Variants in COMMD1 observed in about 807,000 individuals in gnomAD.
The protein encoded by COMMD1 is copper metabolism domain containing 1.
In COMMD1, 10 loss-of-function variants were observed where a neutral mutation model predicts 17.2. The observed-to-expected ratio is 0.58, with a 90% CI of 0.36 to 0.99. The LOEUF (loss-of-function observed/expected upper bound fraction) is 0.99, where lower values mean the gene tolerates loss of function less well. Ranked by LOEUF, COMMD1 falls within the 50% of genes least tolerant of loss-of-function variation. The probability of loss-of-function intolerance (pLI) is 0.01; values close to 1 mark genes in which losing one functional copy is unlikely to be tolerated. For missense variants in COMMD1, 270 were observed against 231.8 expected, an observed-to-expected ratio of 1.17 and a Z score of -1.07; for synonymous variants, 97 against 91.6, an observed-to-expected ratio of 1.06 and a Z score of -0.34.
rs567865493 is a variant in COMMD1, at chr2:62,017,634, C to T, written c.462+16652C>T. Reference sequence around the variant, plus strand: ...GCAGTGAGCTGTGATCATGCCACTGCACTCCAGCCTGGGTGACAAGAGTGA... The same window carrying T: ...GCAGTGAGCTGTGATCATGCCACTGTACTCCAGCCTGGGTGACAAGAGTGA... On this transcript the variant is annotated intron_variant, in intron 2 of 2. Coordinates refer to ENST00000311832, the MANE Select transcript of COMMD1 (RefSeq NM_152516.4). 1.3e-4 allele frequency among the ~76,000 whole-genome samples: 19 copies of T among 151,714 alleles called. 1 individual carries two copies. The South Asian group carries it at 2.3e-3, about 18-fold the overall frequency.
intron 2 of COMMD1, among the ~76,000 whole-genome samples, chr2:62,114,907 G>A (rs1476107684): frequency 2.6e-5 from 4 of 152,230 alleles, no homozygotes; most frequent in Non-Finnish European, 5.9e-5. Context: ...TCCTTGGTCA[G>A]ACTAGATTGC....
chr2:62,059,660 T>G (rs1670803467), intron 2 of COMMD1, among the ~76,000 whole-genome samples: 1 of 152,176 alleles, frequency 6.6e-6, no homozygotes, highest in African/African-American at 2.4e-5. Flanking sequence ...CTTGAACTCC[T>G]GGGCTCAAGA....
At chr2:62,079,502 A>T (rs1274496588) in intron 2 of COMMD1, among the ~76,000 whole-genome samples, 2 of 152,218 alleles carry the variant, frequency 1.3e-5, no homozygotes, top group Admixed American at 1.3e-4. Flanking sequence ...CACCGGAAAC[A>T]TCTAGAGGCT....
chr2:61,955,639 T>TTG (rs1208039831), intron 1 of COMMD1, among the ~76,000 whole-genome samples: 1 of 152,052 alleles, frequency 6.6e-6, no homozygotes, highest in East Asian at 1.9e-4. Context: ...CATTTTGAGT[T>TTG]TGTGTGTGTG....
At chr2:62,006,016 T>C (rs1669102218) in intron 2 of COMMD1, among the ~76,000 whole-genome samples, 2 of 151,770 alleles carry the variant, frequency 1.3e-5, no homozygotes, top group Admixed American at 1.3e-4. Flanking sequence ...TATGCAGCCA[T>C]AAAAAATGAT....
intron 2 of COMMD1, among the ~76,000 whole-genome samples, chr2:62,124,533 A>AGGC (rs1672839692): frequency 6.6e-6 from 1 of 151,742 alleles, no homozygotes. Context: ...TATTTTAAAA[A>AGGC]TGCCTTTTGT....
At chr2:61,961,651 T>C (rs1671346802) in intron 1 of COMMD1, among the ~76,000 whole-genome samples, 1 of 152,228 alleles carries the variant, frequency 6.6e-6, no homozygotes, top group Admixed American at 6.5e-5. Context: ...TATTTTTCCC[T>C]CTTCTAATTT....
intron 2 of COMMD1, among the ~76,000 whole-genome samples, chr2:62,087,577 C>G (rs1252782059): frequency 6.6e-6 from 1 of 152,162 alleles, no homozygotes; most frequent in Non-Finnish European, 1.5e-5. Context: ...GAAACCCCGT[C>G]TCTACTAAAA....
At chr2:61,937,733 A>G (rs1056937557) in intron 1 of COMMD1, among the ~76,000 whole-genome samples, 5 of 152,240 alleles carry the variant, frequency 3.3e-5, no homozygotes, top group African/African-American at 9.6e-5. Context: ...ACTTATGGCA[A>G]TTAGCTATAC....
chr2:62,104,694 C>A (rs576658451), intron 2 of COMMD1, among the ~76,000 whole-genome samples: 1 of 150,802 alleles, frequency 6.6e-6, no homozygotes, highest in South Asian at 2.1e-4. Context: ...TTGTTCCATT[C>A]TTATGTTCTT....
At chr2:61,899,208 T>A (rs139232311) in intron 1 of COMMD1, among the ~76,000 whole-genome samples, 12 of 152,300 alleles carry the variant, frequency 7.9e-5, no homozygotes, top group African/African-American at 2.9e-4. Flanking sequence ...CTTTTCTTCT[T>A]TAAAGCAGGA....
upstream of COMMD1, chr2:61,905,649 A>T (rs1291758938): frequency 2.0e-5 from 31 of 1,519,580 alleles, no homozygotes; most frequent in Non-Finnish European, 2.7e-5. Context: ...GGCACGGCTC[A>T]GCTGTTGCGG....
intron 2 of COMMD1, among the ~76,000 whole-genome samples, chr2:62,018,887 T>C (rs77370900): frequency 0.031 from 4,668 of 152,260 alleles, 174 homozygotes; most frequent in African/African-American, 0.085. Context: ...GTAGGTTTTG[T>C]GTTTGGTGAA....
chr2:61,911,461 C>A (rs996083218), intron 1 of COMMD1, among the ~76,000 whole-genome samples: 5 of 152,084 alleles, frequency 3.3e-5, no homozygotes, highest in African/African-American at 1.2e-4. Flanking sequence ...GGGCAATGAG[C>A]AAAACTCTGT....
chr2:61,970,639 A>G (rs1301146378), intron 1 of COMMD1, among the ~76,000 whole-genome samples: 1 of 152,180 alleles, frequency 6.6e-6, no homozygotes, highest in Non-Finnish European at 1.5e-5. Flanking sequence ...GAATTCCTAG[A>G]TGTGGAATTC....
At chr2:62,053,306 A>G (rs569165021) in intron 2 of COMMD1, among the ~76,000 whole-genome samples, 171 of 152,190 alleles carry the variant, frequency 1.1e-3, no homozygotes, top group African/African-American at 3.9e-3. Flanking sequence ...ATTTGCTCAT[A>G]TATTTTTGGA....
chr2:61,923,303 T>C (rs1446656715), intron 1 of COMMD1, among the ~76,000 whole-genome samples: 3 of 152,112 alleles, frequency 2.0e-5, no homozygotes, highest in African/African-American at 7.2e-5. Flanking sequence ...TTTAGTCAGG[T>C]GATAAATAGT....
At chr2:61,976,447 G>C (rs968214152) in intron 1 of COMMD1, among the ~76,000 whole-genome samples, 4 of 152,050 alleles carry the variant, frequency 2.6e-5, no homozygotes, top group African/African-American at 9.7e-5. Flanking sequence ...ATGATAAAGA[G>C]GTCAGTTCTC....
intron 2 of COMMD1, among the ~76,000 whole-genome samples, chr2:62,095,414 T>C (rs1005963331): frequency 6.6e-6 from 1 of 152,136 alleles, no homozygotes; most frequent in African/African-American, 2.4e-5. Flanking sequence ...ATCTTGAAAG[T>C]AGCAAATGCA....
Sources: gnomAD v4.1 joint callset for allele counts (sites outside exome capture counted in the v4.1 genomes callset) on GRCh38, gnomAD v4.1.1 for gene constraint, MANE v1.5 for transcripts, NCBI Gene and HGNC (gene_info 2026-07-23, HGNC 2026-07-21) for gene names.